WDR70: variants seen among roughly 807,000 people sequenced by gnomAD.
The protein encoded by WDR70 is WD repeat-containing protein 70.
A neutral mutation model predicts 88.6 loss-of-function variants in WDR70; 53 were observed. The observed-to-expected ratio is 0.60, with a 90% CI of 0.48 to 0.75. The LOEUF is 0.75. Among genes scored for constraint, WDR70 ranks in the 30% least tolerant of loss-of-function variants. The pLI is 0.00. For missense variants in WDR70, 610 were observed against 823.2 expected, an observed-to-expected ratio of 0.74 and a Z score of 3.17; for synonymous variants, 280 against 270.0, an observed-to-expected ratio of 1.04 and a Z score of -0.36.
intron 16 of WDR70, among the ~76,000 whole-genome samples, chr5:37,725,462 CA>C (rs1747943483): frequency 6.6e-6 from 1 of 151,874 alleles, no homozygotes; most frequent in South Asian, 2.1e-4. Flanking sequence ...AGAATGTGGC[CA>C]TCATTTAGAT....
intron 17 of WDR70, among the ~76,000 whole-genome samples, chr5:37,737,853 T>C (rs547871762): frequency 6.6e-6 from 1 of 152,132 alleles, no homozygotes; most frequent in Non-Finnish European, 1.5e-5. Context: ...GTCTCATGTA[T>C]GTTCTTTTTT....
intron 5 of WDR70, among the ~76,000 whole-genome samples, chr5:37,405,870 A>AC (rs1749337617): frequency 1.3e-5 from 2 of 151,804 alleles, no homozygotes; most frequent in African/African-American, 4.8e-5. Flanking sequence ...ATGTAGTGAG[A>AC]CCCCCATCTC....
intron 9 of WDR70, among the ~76,000 whole-genome samples, chr5:37,526,956 A>G (rs370836662): frequency 7.2e-5 from 11 of 152,300 alleles, no homozygotes; most frequent in Admixed American, 5.2e-4. Flanking sequence ...GAGAACTACA[A>G]ACCACTGCTC....
At chr5:37,615,242 G>A (rs923498688) in intron 10 of WDR70, among the ~76,000 whole-genome samples, 1 of 151,992 alleles carries the variant, frequency 6.6e-6, no homozygotes, top group Admixed American at 6.6e-5. Context: ...TACAGGAGAG[G>A]GAGGTTGGAA....
intron 17 of WDR70, among the ~76,000 whole-genome samples, chr5:37,746,324 A>C (rs1320581304): frequency 2.6e-5 from 4 of 152,166 alleles, no homozygotes. Flanking sequence ...TTAGAAAGCT[A>C]GAAAGATCTC....
intron 9 of WDR70, among the ~76,000 whole-genome samples, chr5:37,593,165 T>C (rs1379244834): frequency 6.6e-6 from 1 of 152,196 alleles, no homozygotes; most frequent in African/African-American, 2.4e-5. Flanking sequence ...CTCTCTCTTT[T>C]TTTTAAAATA....
At chr5:37,665,830 T>A (rs550370743) in intron 10 of WDR70, among the ~76,000 whole-genome samples, 3 of 152,354 alleles carry the variant, frequency 2.0e-5, no homozygotes, top group African/African-American at 7.2e-5. Context: ...TCTTTTTGAC[T>A]GACTTTGATA....
intron 8 of WDR70, among the ~76,000 whole-genome samples, chr5:37,488,420 G>C (rs1218468944): frequency 4.0e-5 from 6 of 151,130 alleles, no homozygotes; most frequent in Non-Finnish European, 8.8e-5. Flanking sequence ...TCACCTCCTG[G>C]AACACCCACA....
chr5:37,651,399 A>G (rs1161586175), intron 10 of WDR70, among the ~76,000 whole-genome samples: 2 of 152,148 alleles, frequency 1.3e-5, no homozygotes, highest in African/African-American at 4.8e-5. Context: ...AGTCTTTGCT[A>G]TTGTGAATAG....
intron 9 of WDR70, among the ~76,000 whole-genome samples, chr5:37,557,957 A>ACTCTTTTGAAAAGTCTTCAAAAGAGTAC: frequency 7.2e-6 from 1 of 139,252 alleles, no homozygotes; most frequent in Non-Finnish European, 1.6e-5. Flanking sequence ...TCAAAAGAGT[A>ACTCTTTTGAAAAGTCTTCAAAAGAGTAC]TTATGTATAT....
intron 9 of WDR70, among the ~76,000 whole-genome samples, chr5:37,541,419 A>G (rs1741811205): frequency 6.6e-6 from 1 of 152,232 alleles, no homozygotes; most frequent in Non-Finnish European, 1.5e-5. Flanking sequence ...AATGTTTTGA[A>G]TAACTTGCTA....
intron 8 of WDR70, among the ~76,000 whole-genome samples, chr5:37,513,384 C>T (rs1358929668): frequency 6.6e-6 from 1 of 151,920 alleles, no homozygotes; most frequent in African/African-American, 2.4e-5. Context: ...TATAAGAAGG[C>T]CCTGATATGG....
At chr5:37,509,768 C>T (rs1740663300) in intron 8 of WDR70, among the ~76,000 whole-genome samples, 1 of 150,936 alleles carries the variant, frequency 6.6e-6, no homozygotes, top group Admixed American at 6.6e-5. Context: ...GGCTTTTCTT[C>T]ACTGAGCAGC....
intron 10 of WDR70, among the ~76,000 whole-genome samples, chr5:37,628,847 G>A (rs1422722709): frequency 1.3e-5 from 2 of 151,982 alleles, no homozygotes; most frequent in Non-Finnish European, 2.9e-5. Context: ...TCTTACTTTT[G>A]TATCAGCTCT....
intron 9 of WDR70, among the ~76,000 whole-genome samples, chr5:37,525,440 A>G (rs1416961012): frequency 5.9e-5 from 9 of 152,212 alleles, no homozygotes; most frequent in Non-Finnish European, 1.2e-4. Context: ...GTGAGAACAA[A>G]GACACAACAT....
At chr5:37,463,084 C>T (rs543066707) in intron 7 of WDR70, among the ~76,000 whole-genome samples, 79 of 152,134 alleles carry the variant, frequency 5.2e-4, no homozygotes, top group Admixed American at 1.4e-3. Context: ...CCAGCCTGAC[C>T]AACATGGCGA....
chr5:37,534,068 G>C (rs1282477986), intron 9 of WDR70, among the ~76,000 whole-genome samples: 1 of 152,134 alleles, frequency 6.6e-6, no homozygotes, highest in African/African-American at 2.4e-5. Context: ...AATTCTTGGT[G>C]CTGCTATCCA....
rs375380045 is a variant in WDR70, at chr5:37,389,873, T to A, written c.176-2127T>A. Among the ~76,000 whole-genome samples the A allele has an allele frequency of 1.6e-4, 25 of 152,342 alleles. 1 individual carries two copies. In the East Asian group the frequency reaches 4.2e-3, roughly 26 times the overall value. ...TTTGCCTTACCTCTTCCTGGAGGGT[T>A]TTGTCTTCCATATTTGACATGAAAG... On this transcript the variant is annotated intron_variant, in intron 3 of 17. Transcript: ENST00000265107.
At chr5:37,737,673 A>C (rs957467223) in intron 17 of WDR70, among the ~76,000 whole-genome samples, 7 of 152,314 alleles carry the variant, frequency 4.6e-5, no homozygotes, top group Non-Finnish European at 8.8e-5. Flanking sequence ...ACTTATTAAG[A>C]GAGTGCTTTG....
Sources: gnomAD v4.1 joint callset for allele counts (sites outside exome capture counted in the v4.1 genomes callset) on GRCh38, gnomAD v4.1.1 for gene constraint, MANE v1.5 for transcripts, NCBI Gene and HGNC (gene_info 2026-07-23, HGNC 2026-07-21) for gene names.